The following PLPPR1 variants were observed in gnomAD, a reference collection of about 807,000 sequenced individuals.
PLPPR1 encodes the protein phospholipid phosphatase-related protein type 1.
Under a neutral mutation model 33.1 loss-of-function variants are expected in PLPPR1, and 10 were observed. The observed-to-expected ratio is 0.30, with a 90% confidence interval of 0.19 to 0.51. PLPPR1 has a LOEUF of 0.51. Among genes scored for constraint, PLPPR1 ranks in the 20% least tolerant of loss-of-function variants. PLPPR1 has a pLI of 0.97. For missense variants in PLPPR1, 304 were observed against 408.1 expected (o/e 0.74, Z 2.20); for synonymous variants, 151 against 151.0 (o/e 1.00, Z 0.00).
chr9:101,305,031 C>G (rs373845462), intron 4 of PLPPR1, among the ~76,000 whole-genome samples: 7 of 152,084 alleles, frequency 4.6e-5, no homozygotes, highest in African/African-American at 1.7e-4. Context: ...CAATTCAGAG[C>G]GAACTCATCC....
At chr9:101,078,914 A>G (rs1285605296) in intron 1 of PLPPR1, among the ~76,000 whole-genome samples, 1 of 152,180 alleles carries the variant, frequency 6.6e-6, no homozygotes, top group Non-Finnish European at 1.5e-5. Context: ...ACACACAAAG[A>G]TTAATTAATG....
chr9:101,124,634 CAGGGAA>C (rs751995629), intron 1 of PLPPR1, among the ~76,000 whole-genome samples: 36 of 152,298 alleles, frequency 2.4e-4, no homozygotes, highest in African/African-American at 7.5e-4. Context: ...ACAGAAGGCA[CAGGGAA>C]AGCAAATCAA....
At chr9:101,190,641 A>T (rs1255697065) in intron 2 of PLPPR1, among the ~76,000 whole-genome samples, 1 of 152,106 alleles carries the variant, frequency 6.6e-6, no homozygotes, top group Non-Finnish European at 1.5e-5. Context: ...ATGACTGAGG[A>T]GCCTGCCTGG....
At chr9:101,279,381 C>G (rs1433169430) in intron 3 of PLPPR1, among the ~76,000 whole-genome samples, 2 of 152,174 alleles carry the variant, frequency 1.3e-5, no homozygotes, top group East Asian at 3.8e-4. Context: ...GCAAAAATAG[C>G]TGGTGATTTC....
At position 101,324,130 on chromosome 9, in the gene PLPPR1, A is replaced by G; in HGVS notation, c.*73A>G. The G allele has an allele frequency of 8.0e-7, 1 of 1,247,200 alleles. No homozygotes were observed. Among genetic ancestry groups the G allele is most frequent in the Non-Finnish European group, 1.2e-6 (1 of 856,720 alleles). The allele number at this position is 1,247,200 out of a possible 1,614,324, so 77.3% of individuals were successfully genotyped here. The stretch of plus-strand genomic sequence containing the variant: ...TATACTTCAAAACACACAGTTGCTC[A>G]ATGTCAAACTGTGATGACAAATATT... On this transcript the variant is annotated 3_prime_UTR_variant, in exon 8 of 8. Transcript: ENST00000374874.
chr9:101,167,141 GGTGTGTGTGTGTGTGTGTGTGT>G (rs756843224), intron 1 of PLPPR1, among the ~76,000 whole-genome samples: 3 of 39,648 alleles, frequency 7.6e-5, no homozygotes, highest in African/African-American at 2.5e-4. Flanking sequence ...TATGTCTCTC[GGTGTGTGTGTGTGTGTGTGTGT>G]GTGTGTGTGT....
At position 101,068,101 on chromosome 9, in the gene PLPPR1, A is replaced by T. The variant is rs554001787; in HGVS notation, c.-46+38999A>T. On this transcript the variant is annotated intron_variant, in intron 1 of 7. Transcript: ENST00000374874. ...ATGGTTGATCCACTATTATAAGGGC[A>T]ATAATTGTTATATTAATGCCAAACA... is the stretch of plus-strand genomic sequence containing the variant. Among the ~76,000 whole-genome samples the T allele has an allele frequency of 2.0e-5, 3 of 152,266 alleles. No individual in the cohort carries two copies. The East Asian group carries it at 5.8e-4, about 29-fold the overall frequency.
chr9:101,115,526 T>C (rs562410111), intron 1 of PLPPR1, among the ~76,000 whole-genome samples: 2 of 152,316 alleles, frequency 1.3e-5, no homozygotes, highest in African/African-American at 4.8e-5. Flanking sequence ...TTTCTTCCCT[T>C]AGGGAATATA....
At chr9:101,090,779 T>C (rs1427641681) in intron 1 of PLPPR1, among the ~76,000 whole-genome samples, 1 of 152,068 alleles carries the variant, frequency 6.6e-6, no homozygotes, top group African/African-American at 2.4e-5. Flanking sequence ...GGGACCCACC[T>C]TTCCTTCTTG....
chr9:101,038,657 A>G lies in PLPPR1; in HGVS notation c.-46+9555A>G, dbSNP rs75024047. On this transcript the variant is annotated intron_variant, in intron 1 of 7. Coordinates refer to ENST00000374874, the MANE Select transcript of PLPPR1 (RefSeq NM_207299.2). ...ACCAGTGCTGATTTCATTACACTTG[A>G]CTGCAAATCAACCCCCACATCAAGA... 9.3e-3 allele frequency among the ~76,000 whole-genome samples: 1,411 copies of G among 152,254 alleles called. 25 individuals are homozygous for G. The highest frequency in any genetic ancestry group is 0.032 in the African/African-American group (1,342 of 41,550).
At chr9:101,293,596 A>T (rs1828561698) in intron 4 of PLPPR1, among the ~76,000 whole-genome samples, 1 of 152,196 alleles carries the variant, frequency 6.6e-6, no homozygotes, top group South Asian at 2.1e-4. Context: ...AAATTATAAC[A>T]AACTGTCTCT....
chr9:101,302,362 G>A (rs980645518), intron 4 of PLPPR1, among the ~76,000 whole-genome samples: 2 of 152,178 alleles, frequency 1.3e-5, no homozygotes, highest in African/African-American at 2.4e-5. Flanking sequence ...GGTAACCTCA[G>A]ATAAATTATC....
At chr9:101,252,068 C>T (rs1422874076) in intron 2 of PLPPR1, among the ~76,000 whole-genome samples, 1 of 152,084 alleles carries the variant, frequency 6.6e-6, no homozygotes, top group Non-Finnish European at 1.5e-5. Flanking sequence ...TAAACTTACA[C>T]TTCGTTCATG....
chr9:101,066,462 T>C (rs1830416009), intron 1 of PLPPR1, among the ~76,000 whole-genome samples: 1 of 151,500 alleles, frequency 6.6e-6, no homozygotes. Flanking sequence ...CTTCATGGGG[T>C]GGGGGTGGGG....
intron 1 of PLPPR1, among the ~76,000 whole-genome samples, chr9:101,045,979 A>G (rs1366901975): frequency 1.3e-5 from 2 of 152,212 alleles, no homozygotes; most frequent in Non-Finnish European, 2.9e-5. Context: ...AGATATGGAC[A>G]TGTTGAAAAC....
At chr9:101,107,024 A>T (rs1830979431) in intron 1 of PLPPR1, among the ~76,000 whole-genome samples, 2 of 57,834 alleles carry the variant, frequency 3.5e-5, no homozygotes, top group Non-Finnish European at 5.8e-5. Flanking sequence ...ACTTCTCTGT[A>T]TTGGTTATTC....
chr9:101,308,935 G>A (rs1564033736), intron 4 of PLPPR1, among the ~76,000 whole-genome samples: 2 of 152,178 alleles, frequency 1.3e-5, no homozygotes, highest in Admixed American at 6.5e-5. Flanking sequence ...CCACTGATGT[G>A]TCTATATGAC....
intron 1 of PLPPR1, among the ~76,000 whole-genome samples, chr9:101,056,040 A>G (rs1290394450): frequency 6.6e-6 from 1 of 152,236 alleles, no homozygotes; most frequent in Non-Finnish European, 1.5e-5. Flanking sequence ...AGTCTTCTTA[A>G]GTGCCAGTCT....
intron 1 of PLPPR1, among the ~76,000 whole-genome samples, chr9:101,064,805 A>G (rs1390370410): frequency 6.6e-6 from 1 of 152,062 alleles, no homozygotes; most frequent in African/African-American, 2.4e-5. Context: ...GGGACTCTGC[A>G]GAGTTTTGAG....
Sources: gnomAD v4.1 joint callset for allele counts (sites outside exome capture counted in the v4.1 genomes callset) on GRCh38, gnomAD v4.1.1 for gene constraint, MANE v1.5 for transcripts, NCBI Gene and HGNC (gene_info 2026-07-23, HGNC 2026-07-21) for gene names.